GPC3: variants seen among roughly 807,000 people sequenced by gnomAD.
The protein encoded by GPC3 is glypican-3.
A neutral mutation model predicts 34.4 loss-of-function variants in GPC3; 3 were observed. The observed-to-expected ratio is 0.09, with a 90% CI of 0.04 to 0.23. GPC3 has a LOEUF of 0.23. Among genes scored for constraint, GPC3 ranks in the 10% least tolerant of loss-of-function variants. The pLI is 1.00. For missense variants in GPC3, 351 were observed against 445.6 expected (o/e 0.79, Z 1.91); for synonymous variants, 177 against 174.0 (o/e 1.02, Z -0.13).
intron 2 of GPC3, among the ~76,000 whole-genome samples, chrX:133,803,991 C>CACAA (rs759174650): frequency 0.018 from 2,002 of 109,375 alleles, 26 homozygotes; most frequent in Non-Finnish European, 0.024. Flanking sequence ...CACACACACA[C>CACAA]ACACACACAC....
At chrX:133,673,651 A>G (rs2070855487) in intron 5 of GPC3, among the ~76,000 whole-genome samples, 1 of 112,378 alleles carries the variant, frequency 8.9e-6, no homozygotes. Context: ...AGTCAGAGAC[A>G]TGGGTTCAAA....
chrX:133,642,034 C>T (rs1045918733), intron 6 of GPC3, among the ~76,000 whole-genome samples: 1 of 109,012 alleles, frequency 9.2e-6, no homozygotes, highest in African/African-American at 3.3e-5. Flanking sequence ...CCCACTGCAC[C>T]CCCACCCACC....
intron 2 of GPC3, among the ~76,000 whole-genome samples, chrX:133,924,204 T>C (rs1045174977): frequency 1.8e-5 from 2 of 111,874 alleles, no homozygotes; most frequent in Non-Finnish European, 3.8e-5. Context: ...TAGAAAATGC[T>C]CAACACTTTT....
Position 133,809,634 on chromosome X carries a change from G to A in GPC3, c.338-55458C>T, listed in dbSNP as rs973200684. Among the ~76,000 whole-genome samples the A allele has an allele frequency of 2.7e-5, 3 of 111,687 alleles. No homozygotes were observed. The Admixed American group carries it at 2.8e-4, about 11-fold the overall frequency. ...ACAAATGAAAGGAAGAACTCACATT[G>A]GCCTGCAGAATCAATGGCGGCATCC... On this transcript the variant is annotated intron_variant, in intron 2 of 7. Coordinates refer to ENST00000370818, the MANE Select transcript of GPC3 (RefSeq NM_004484.4).
At chrX:133,602,781 C>T (rs779748921) in intron 6 of GPC3, among the ~76,000 whole-genome samples, 2 of 111,606 alleles carry the variant, frequency 1.8e-5, no homozygotes, top group Non-Finnish European at 3.8e-5. Flanking sequence ...ATTGAACTAT[C>T]ACTCTGTGTC....
At chrX:133,936,797 A>G (rs1259643279) in intron 2 of GPC3, among the ~76,000 whole-genome samples, 3 of 112,342 alleles carry the variant, frequency 2.7e-5, no homozygotes, top group African/African-American at 9.7e-5. Flanking sequence ...AGCCTCTGAC[A>G]CTGACAGTTA....
chrX:133,620,605 T>G (rs762064614), intron 6 of GPC3, among the ~76,000 whole-genome samples: 1 of 111,299 alleles, frequency 9.0e-6, no homozygotes, highest in African/African-American at 3.3e-5. Context: ...CAGGCCATGA[T>G]GGGAAAGGGA....
At chrX:133,782,136 G>T (rs965834274) in intron 2 of GPC3, among the ~76,000 whole-genome samples, 5 of 111,238 alleles carry the variant, frequency 4.5e-5, no homozygotes, top group African/African-American at 1.6e-4. Flanking sequence ...GAAGATCCCA[G>T]GCATTCCCTT....
intron 7 of GPC3, among the ~76,000 whole-genome samples, chrX:133,567,502 C>T (rs753994822): frequency 8.0e-5 from 9 of 112,062 alleles, no homozygotes; most frequent in Non-Finnish European, 1.3e-4. Flanking sequence ...AAACCAATGG[C>T]CTGTGGCAGA....
At chrX:133,561,679 C>T (rs763926085) in intron 7 of GPC3, among the ~76,000 whole-genome samples, 28 of 112,165 alleles carry the variant, frequency 2.5e-4, no homozygotes, top group African/African-American at 8.7e-4. Flanking sequence ...AGAATTTCAT[C>T]CTATTTACAT....
chrX:133,891,949 T>C (rs2076089877), intron 2 of GPC3, among the ~76,000 whole-genome samples: 1 of 111,282 alleles, frequency 9.0e-6, no homozygotes, highest in Non-Finnish European at 1.9e-5. Flanking sequence ...CTTTGAAGAT[T>C]AGGTACTTTA....
At chrX:133,693,723 A>G (rs911934178) in intron 4 of GPC3, among the ~76,000 whole-genome samples, 1 of 111,825 alleles carries the variant, frequency 8.9e-6, no homozygotes, top group Non-Finnish European at 1.9e-5. Flanking sequence ...AAGACTGGTG[A>G]AAATATCCTC....
chrX:133,762,743 T>C (rs1194979821), intron 2 of GPC3: 1 of 413,470 alleles, frequency 2.4e-6, no homozygotes, highest in Non-Finnish European at 4.3e-6. Context: ...CACAGAGGGG[T>C]CCATACAGCG....
intron 2 of GPC3, among the ~76,000 whole-genome samples, chrX:133,810,720 A>G (rs190629873): frequency 1.8e-5 from 2 of 109,514 alleles, no homozygotes. Flanking sequence ...CCTGGCTAAC[A>G]GAGCGAAACC....
At chrX:133,905,454 G>GT (rs57396124) in intron 2 of GPC3, among the ~76,000 whole-genome samples, 1 of 112,314 alleles carries the variant, frequency 8.9e-6, no homozygotes, top group African/African-American at 3.2e-5. Context: ...TGTGGTGGAG[G>GT]TGTAAGGAGC....
intron 2 of GPC3, among the ~76,000 whole-genome samples, chrX:133,765,728 T>TTA (rs1265360104): frequency 8.9e-6 from 1 of 111,873 alleles, no homozygotes; most frequent in Non-Finnish European, 1.9e-5. Flanking sequence ...CTGTAACTGT[T>TTA]ATTAAAGATT....
At chrX:133,706,434 A>G (rs1489048191) in intron 3 of GPC3, among the ~76,000 whole-genome samples, 1 of 111,996 alleles carries the variant, frequency 8.9e-6, no homozygotes, top group Non-Finnish European at 1.9e-5. Context: ...AATGGGAGAC[A>G]ATATTTGCAA....
At chrX:133,661,219 G>C (rs1401053606) in intron 6 of GPC3, among the ~76,000 whole-genome samples, 1 of 111,686 alleles carries the variant, frequency 9.0e-6, no homozygotes. Context: ...TGACAACATG[G>C]AAAAGAAAAG....
intron 7 of GPC3, among the ~76,000 whole-genome samples, chrX:133,593,639 C>G (rs1025882337): frequency 7.2e-5 from 8 of 111,141 alleles, no homozygotes; most frequent in Non-Finnish European, 1.5e-4. Context: ...GGTAGCTATG[C>G]AAGATGAATT....
Sources: gnomAD v4.1 joint callset for allele counts (sites outside exome capture counted in the v4.1 genomes callset) on GRCh38, gnomAD v4.1.1 for gene constraint, MANE v1.5 for transcripts, NCBI Gene and HGNC (gene_info 2026-07-23, HGNC 2026-07-21) for gene names.